The following PCNX2 variants were observed in gnomAD, a reference collection of about 807,000 sequenced individuals.
PCNX2 encodes the protein pecanex-like protein 2.
A neutral mutation model predicts 223.8 loss-of-function variants in PCNX2; 168 were observed. The ratio of observed to expected loss-of-function variants is 0.75; its 90% CI spans 0.66 to 0.85. The LOEUF (loss-of-function observed/expected upper bound fraction) is 0.85, where lower values mean the gene tolerates loss of function less well. Ranked by LOEUF, PCNX2 falls within the 40% of genes least tolerant of loss-of-function variation. PCNX2 has a pLI of 0.00. For missense variants in PCNX2, 2,507 were observed against 2,675.5 expected (o/e 0.94, Z 1.39); for synonymous variants, 1,006 against 1,052.6 (o/e 0.96, Z 0.86).
chr1:233,045,300 G>A (rs1198829264), intron 25 of PCNX2, among the ~76,000 whole-genome samples: 1 of 152,188 alleles, frequency 6.6e-6, no homozygotes, highest in African/African-American at 2.4e-5. Flanking sequence ...AATCTTCCAT[G>A]CAATCTTCCA....
chr1:233,097,250 G>C (rs1674226560), intron 21 of PCNX2, among the ~76,000 whole-genome samples: 1 of 151,734 alleles, frequency 6.6e-6, no homozygotes. Flanking sequence ...AAGAATTTTA[G>C]ATAGAAGAGA....
At chr1:233,165,804 T>C (rs1456727745) in intron 17 of PCNX2, among the ~76,000 whole-genome samples, 3 of 152,192 alleles carry the variant, frequency 2.0e-5, no homozygotes, top group Non-Finnish European at 4.4e-5. Flanking sequence ...AACTGATTGA[T>C]AAATTCAATG....
rs375599555 is a variant in PCNX2 at position 233,139,741 on chromosome 1, A to T, written c.3632T>A (p.Ile1211Lys). The T allele has an allele frequency of 2.5e-6, 4 of 1,607,998 alleles. No individual in the cohort carries two copies. The highest frequency in any genetic ancestry group is 2.7e-5 in the African/African-American group (2 of 74,866). ...GGTACCAAGTCTCCGGTGATTGCTT[A>T]TTAAAAATGCATCAATAGTGAGGGC... is the stretch of plus-strand genomic sequence containing the variant. ...LNALTIDAFL[I>K]SNHRRLGTHW... Residue 1211 changes from isoleucine (I) to lysine (K), a missense_variant, in exon 20 of 34, where the codon ATA becomes AAA. This residue lies in a region of PCNX2 where 1,372 missense variants were observed against 1,509.4 expected (regional missense o/e 0.91). Coordinates refer to ENST00000258229, the MANE Select transcript of PCNX2 (RefSeq NM_014801.4). The surrounding 1 kb of genome is among the most constrained non-coding windows in gnomAD (Gnocchi z 4.4).
In PCNX2 at chr1:233,295,338, C is replaced by A; in HGVS notation, c.141G>T (p.Leu47=). Residue 47 remains leucine, a synonymous_variant, in exon 1 of 34, where the codon CTG becomes CTT. Transcript: ENST00000258229. The surrounding 1 kb of genome is among the most constrained non-coding windows in gnomAD (Gnocchi z 4.1). The part of the protein sequence containing the change: ...YLWLFLLLLP[L]ALHLAFPPNA... The stretch of plus-strand genomic sequence containing the variant: ...CCTCCCCACTCACCAGGTGCAGGGC[C>A]AGGGGCAGCAGCAGGAGGAACAGCC... The A allele has an allele frequency of 6.3e-7, 1 of 1,575,268 alleles. No individual in the cohort carries two copies. The highest frequency in any genetic ancestry group is 8.6e-7 in the Non-Finnish European group (1 of 1,160,272).
At chr1:233,227,943 C>T (rs1049020010) in intron 9 of PCNX2, among the ~76,000 whole-genome samples, 11 of 151,858 alleles carry the variant, frequency 7.2e-5, no homozygotes, top group Non-Finnish European at 1.3e-4. Context: ...TAATTCATCT[C>T]TTATTAGCTC....
intron 23 of PCNX2, among the ~76,000 whole-genome samples, chr1:233,064,515 T>A (rs960506586): frequency 1.3e-5 from 2 of 152,212 alleles, no homozygotes; most frequent in Non-Finnish European, 2.9e-5. Flanking sequence ...GAAGTCTTAG[T>A]TGAAACTTTC....
chr1:233,254,856 T>C (rs911722791), intron 5 of PCNX2, among the ~76,000 whole-genome samples: 1 of 152,184 alleles, frequency 6.6e-6, no homozygotes, highest in African/African-American at 2.4e-5. Context: ...AATGGTATAA[T>C]TTAAATAGAC....
rs1251599690 is a variant in PCNX2, at chr1:233,031,863, A to AAG, written c.4352-6466_4352-6465dup. 6 of 983,380 alleles carry AAG rather than the reference A, an allele frequency of 6.1e-6. No individual in the cohort carries two copies. In the East Asian group the frequency reaches 6.9e-4, roughly 113 times the overall value. 60.9% of individuals were successfully genotyped at this position (983,380 alleles called of 1,614,324 possible). A position where few individuals can be genotyped will look rare whatever the true frequency, so the allele number is the denominator to read the frequency against. On this transcript the variant is annotated intron_variant, in intron 25 of 33. Transcript: ENST00000258229. The stretch of plus-strand genomic sequence containing the variant: ...TATACAACTTTTCTTCCCTCTGGTG[A>AAG]AGATGTATAGAAATGCATACTGGAC...
chr1:233,300,736 G>A, the PCNX2 span, among the ~76,000 whole-genome samples: 1 of 152,286 alleles, frequency 6.6e-6, no homozygotes, highest in East Asian at 1.9e-4. Context: ...CTATGCCAAA[G>A]AGCAGACCCT....
chr1:233,018,744 C>A (rs973429521), intron 26 of PCNX2: 3 of 985,072 alleles, frequency 3.0e-6, no homozygotes, highest in Non-Finnish European at 3.6e-6. Context: ...AGGGGCACCC[C>A]TGGAATGAGG....
chr1:233,283,792 T>C (rs1351437177), intron 1 of PCNX2, among the ~76,000 whole-genome samples: 1 of 152,218 alleles, frequency 6.6e-6, no homozygotes, highest in East Asian at 1.9e-4. Flanking sequence ...ATGATTATTT[T>C]AGTCCAGAAT....
chr1:233,057,150 AGAGT>A (rs1672218642), intron 24 of PCNX2, 78 bp downstream of exon 24: 2 of 1,163,908 alleles, frequency 1.7e-6, no homozygotes, highest in African/African-American at 1.5e-5. Context: ...CAATGAGTAC[AGAGT>A]GAGTATTTAA....
chr1:233,111,912 C>T lies in PCNX2; in HGVS notation c.3838-16049G>A, dbSNP rs1036519344. On this transcript the variant is annotated intron_variant, in intron 21 of 33. Transcript: ENST00000258229. Reference sequence around the variant, plus strand: ...TGTTCCAGTTCATCAAGCGCATAGGCTATAGGAGCTTGGGTTCAATGGAAT... The same window carrying T: ...TGTTCCAGTTCATCAAGCGCATAGGTTATAGGAGCTTGGGTTCAATGGAAT... 3.3e-5 allele frequency among the ~76,000 whole-genome samples: 5 copies of T among 152,334 alleles called. No individual in the cohort carries two copies. In the South Asian group the frequency reaches 1.0e-3, roughly 32 times the overall value.
intron 2 of PCNX2, among the ~76,000 whole-genome samples, chr1:233,262,682 G>A (rs531015645): frequency 6.6e-6 from 1 of 152,226 alleles, no homozygotes; most frequent in African/African-American, 2.4e-5. Context: ...AAGCAGTGAA[G>A]GGAAATTTTT....
intron 28 of PCNX2, among the ~76,000 whole-genome samples, chr1:233,007,602 ATCTC>A (rs1670329916): frequency 6.6e-6 from 1 of 152,114 alleles, no homozygotes; most frequent in Non-Finnish European, 1.5e-5. Context: ...CCGTGGCGTG[ATCTC>A]AACTCACTGC....
At chr1:233,285,582 G>C (rs1205487897) in intron 1 of PCNX2, among the ~76,000 whole-genome samples, 1 of 152,166 alleles carries the variant, frequency 6.6e-6, no homozygotes, top group African/African-American at 2.4e-5. Context: ...GGCTGAGGTA[G>C]GAGAATTGCT....
intron 9 of PCNX2, among the ~76,000 whole-genome samples, chr1:233,235,957 A>ATATATATATATATATATAT (rs1553319645): frequency 5.1e-4 from 47 of 93,056 alleles, no homozygotes; most frequent in African/African-American, 1.6e-3. Context: ...CATAAAAAAA[A>ATATATATATATATATATAT]ATATATATAT....
intron 1 of PCNX2, among the ~76,000 whole-genome samples, chr1:233,280,962 G>A (rs1661164428): frequency 2.5e-5 from 2 of 79,414 alleles, no homozygotes; most frequent in East Asian, 4.2e-4. Flanking sequence ...CATCTCTCAC[G>A]ATCATCACCA....
At chr1:233,294,722 A>C (rs1269822625) in intron 1 of PCNX2, among the ~76,000 whole-genome samples, 3 of 152,238 alleles carry the variant, frequency 2.0e-5, no homozygotes, top group Middle Eastern at 6.8e-3. Flanking sequence ...ACCCCACTAA[A>C]ATGTCAAGCC....
Sources: gnomAD v4.1 joint callset for allele counts (sites outside exome capture counted in the v4.1 genomes callset) on GRCh38, gnomAD v4.1.1 for gene constraint, gnomAD v4.1.1 regional missense constraint, Gnocchi (gnomAD v3.1) non-coding constraint, MANE v1.5 for transcripts, NCBI Gene and HGNC (gene_info 2026-07-23, HGNC 2026-07-21) for gene names.